Variants in UBE2G1 observed in about 807,000 individuals in gnomAD.
The protein encoded by UBE2G1 is ubiquitin conjugating enzyme E2 G1.
Under a neutral mutation model 22.7 loss-of-function variants are expected in UBE2G1, and 5 were observed. The ratio of observed to expected loss-of-function variants is 0.22; its 90% CI spans 0.12 to 0.46. The LOEUF (loss-of-function observed/expected upper bound fraction) is 0.46, where lower values mean the gene tolerates loss of function less well. Among genes scored for constraint, UBE2G1 ranks in the 20% least tolerant of loss-of-function variants. The probability of loss-of-function intolerance (pLI) is 0.99; values close to 1 mark genes in which losing one functional copy is unlikely to be tolerated. For missense variants in UBE2G1, 88 were observed against 203.9 expected (o/e 0.43, Z 3.46); for synonymous variants, 74 against 67.5 (o/e 1.10, Z -0.47).
chr17:4,274,194 A>G (rs980209508), intron 5 of UBE2G1, among the ~76,000 whole-genome samples: 4 of 113,314 alleles, frequency 3.5e-5, no homozygotes, highest in African/African-American at 1.3e-4. Flanking sequence ...GTTAGCCAGG[A>G]TGGTCTTTTT....
At chr17:4,327,619 A>G (rs1969517743) in intron 1 of UBE2G1, among the ~76,000 whole-genome samples, 1 of 152,194 alleles carries the variant, frequency 6.6e-6, no homozygotes, top group South Asian at 2.1e-4. Context: ...AGTTAAGTAC[A>G]GTAGTGAGAA....
At chr17:4,280,799 A>G (rs1968879256) in intron 5 of UBE2G1, among the ~76,000 whole-genome samples, 1 of 151,834 alleles carries the variant, frequency 6.6e-6, no homozygotes, top group Non-Finnish European at 1.5e-5. Context: ...GTGCCTGGCT[A>G]ATTTTTTATA....
intron 1 of UBE2G1, among the ~76,000 whole-genome samples, chr17:4,324,802 G>A (rs1382666218): frequency 6.6e-6 from 1 of 152,124 alleles, no homozygotes; most frequent in Non-Finnish European, 1.5e-5. Flanking sequence ...TTAAGGCCGG[G>A]CGCGGTGGCT....
chr17:4,278,464 T>C (rs561635032), intron 5 of UBE2G1, among the ~76,000 whole-genome samples: 114 of 152,248 alleles, frequency 7.5e-4, no homozygotes, highest in Non-Finnish European at 1.3e-3. Context: ...AATCTTGATG[T>C]TTTACGAAAT....
chr17:4,285,912 C>T (rs1423484394), intron 4 of UBE2G1, among the ~76,000 whole-genome samples: 1 of 150,822 alleles, frequency 6.6e-6, no homozygotes, highest in African/African-American at 2.4e-5. Context: ...GATTGCACCA[C>T]TGCACTCCAG....
At chr17:4,341,665 C>T (rs1194109049) in intron 1 of UBE2G1, among the ~76,000 whole-genome samples, 2 of 152,184 alleles carry the variant, frequency 1.3e-5, no homozygotes, top group Non-Finnish European at 2.9e-5. Flanking sequence ...CTTCACGGTA[C>T]AACTTTAAGA....
intron 2 of UBE2G1, chr17:4,301,533 A>G (rs1969180037): frequency 7.8e-7 from 1 of 1,281,658 alleles, no homozygotes; most frequent in African/African-American, 1.5e-5. Context: ...CATGAAATTC[A>G]TGCTGCTATA....
Position 4,366,286 on chromosome 17 carries a change from G to A in UBE2G1, c.31C>T (p.Arg11Ter). MTELQSALLL[R>*]RQLAELNKNP... The stretch of plus-strand genomic sequence containing the variant: ...GCCTGCTCACCTGCCAGCTGTCTTC[G>A]CAGTAGCAGTGCCGACTGCAGCTCC... Residue 11 changes from arginine (R) to a stop codon, truncating the protein, a stop_gained, in exon 1 of 6, where the codon CGA becomes TGA. Coordinates refer to ENST00000396981, the MANE Select transcript of UBE2G1 (RefSeq NM_003342.5). LOFTEE classifies it high-confidence loss of function. 2 of 1,555,004 alleles carry A rather than the reference G, an allele frequency of 1.3e-6. No homozygotes were observed. Among genetic ancestry groups the A allele is most frequent in the Non-Finnish European group, 8.6e-7 (1 of 1,159,930 alleles).
At chr17:4,336,360 A>G (rs1969645854) in intron 1 of UBE2G1, among the ~76,000 whole-genome samples, 1 of 152,208 alleles carries the variant, frequency 6.6e-6, no homozygotes, top group Admixed American at 6.5e-5. Flanking sequence ...AAAAGGTTAG[A>G]TAAAAGCATA....
rs10593474 is a variant in UBE2G1 at position 4,279,275 on chromosome 17, C to CA, written c.*37+3522dup. On this transcript the variant is annotated intron_variant, in intron 5 of 5. Transcript: ENST00000396981. ...GGGCAATGAGAGTGAAACTCCATCT[C>CA]AAAAAAAAAAAAAAAAATGCCCAAA... Among the ~76,000 whole-genome samples the CA allele has an allele frequency of 1.9e-3, 252 of 131,606 alleles. 1 individual carries two copies. The highest frequency in any genetic ancestry group is 7.0e-3 in the African/African-American group (239 of 34,056). 86.3% of individuals were successfully genotyped at this position (131,606 alleles called of 152,430 possible).
intron 1 of UBE2G1, among the ~76,000 whole-genome samples, chr17:4,323,665 G>A (rs990173861): frequency 2.0e-5 from 3 of 152,094 alleles, no homozygotes; most frequent in Admixed American, 6.6e-5. Context: ...CAATCCTCCC[G>A]AGCCTCCTGA....
intron 2 of UBE2G1, chr17:4,301,967 ATC>A (rs1969185560): frequency 1.2e-5 from 6 of 487,424 alleles, no homozygotes; most frequent in Non-Finnish European, 2.5e-5. Context: ...TCTTTCACTA[ATC>A]TGTGCCTTCC....
At chr17:4,359,047 A>G (rs185718844) in intron 1 of UBE2G1, among the ~76,000 whole-genome samples, 6 of 152,296 alleles carry the variant, frequency 3.9e-5, no homozygotes, top group Non-Finnish European at 1.5e-5. Context: ...TATACCTTAC[A>G]TAAGAATATG....
chr17:4,321,210 T>A (rs1468279170), intron 1 of UBE2G1, among the ~76,000 whole-genome samples: 1 of 152,140 alleles, frequency 6.6e-6, no homozygotes, highest in African/African-American at 2.4e-5. Flanking sequence ...TGGAAGTATA[T>A]CTAGAATATA....
chr17:4,299,696 T>C (rs1259250329), intron 2 of UBE2G1, among the ~76,000 whole-genome samples: 1 of 152,216 alleles, frequency 6.6e-6, no homozygotes, highest in Non-Finnish European at 1.5e-5. Context: ...ATTTTCACTC[T>C]ATCTGAAAAT....
At chr17:4,275,746 C>T (rs1968814051) in intron 5 of UBE2G1, among the ~76,000 whole-genome samples, 1 of 152,120 alleles carries the variant, frequency 6.6e-6, no homozygotes, top group Non-Finnish European at 1.5e-5. Context: ...TAAGTGAAAA[C>T]AGCCAATACC....
At chr17:4,290,376 T>C (rs768488505) in intron 3 of UBE2G1, among the ~76,000 whole-genome samples, 6 of 152,262 alleles carry the variant, frequency 3.9e-5, no homozygotes, top group Non-Finnish European at 5.9e-5. Flanking sequence ...TCTGCTGTTA[T>C]GAACTCTGGG....
chr17:4,301,460 T>C (rs920665485), intron 2 of UBE2G1: 1 of 751,010 alleles, frequency 1.3e-6, no homozygotes, highest in South Asian at 1.3e-5. Context: ...TCAGCAGCTA[T>C]TTTTGCTATA....
intron 2 of UBE2G1, 30 bp downstream of exon 2, chr17:4,306,990 AT>A (rs1969255917): frequency 6.3e-7 from 1 of 1,590,486 alleles, no homozygotes; most frequent in Non-Finnish European, 8.6e-7. Flanking sequence ...AAAGAGCTCC[AT>A]TTTGAAGATG....
Sources: allele counts gnomAD v4.1 joint callset (sites outside exome capture counted in the v4.1 genomes callset), GRCh38; gene constraint gnomAD v4.1.1; transcripts MANE v1.5; gene names NCBI Gene and HGNC (gene_info 2026-07-23, HGNC 2026-07-21).